Variants in CEP126 observed in about 807,000 individuals in gnomAD.
The protein encoded by CEP126 is centrosomal protein 126.
CEP126 carries 74 observed loss-of-function variants against 107.8 expected under a neutral mutation model. The ratio of observed to expected loss-of-function variants is 0.69; its 90% CI spans 0.57 to 0.83. CEP126 has a LOEUF of 0.83. CEP126 is among the 40% of genes least tolerant of loss of function. The pLI is 0.00. For synonymous variants in CEP126, 449 were observed against 446.0 expected (o/e 1.01, Z -0.08); for missense variants, 1,237 against 1,281.9 (o/e 0.96, Z 0.53).
intron 3 of CEP126, among the ~76,000 whole-genome samples, chr11:101,944,702 G>A (rs1940712460): frequency 6.6e-6 from 1 of 152,052 alleles, no homozygotes; most frequent in South Asian, 2.1e-4. Flanking sequence ...TTAGTACAAA[G>A]AAAATTTAAC....
chr11:101,942,371 G>A (rs1490183429), intron 2 of CEP126, among the ~76,000 whole-genome samples: 1 of 152,036 alleles, frequency 6.6e-6, no homozygotes, highest in Non-Finnish European at 1.5e-5. Context: ...TTTCTGTAAA[G>A]ATTGTCCTTT....
At chr11:101,973,485 G>A (rs1385043282) in intron 6 of CEP126, among the ~76,000 whole-genome samples, 1 of 152,090 alleles carries the variant, frequency 6.6e-6, no homozygotes, top group African/African-American at 2.4e-5. Context: ...GTGGACACAG[G>A]GAGGGGAATA....
At chr11:101,933,243 AAAGT>A (rs748660954) in intron 2 of CEP126, among the ~76,000 whole-genome samples, 1 of 152,216 alleles carries the variant, frequency 6.6e-6, no homozygotes, top group Non-Finnish European at 1.5e-5. Flanking sequence ...GCAATGCAGA[AAAGT>A]AAGTAATTAC....
chr11:101,941,939 G>A (rs1940670534), intron 2 of CEP126, among the ~76,000 whole-genome samples: 1 of 151,930 alleles, frequency 6.6e-6, no homozygotes, highest in African/African-American at 2.4e-5. Context: ...ATTTGTATTT[G>A]TATATCTTCT....
At chr11:101,922,851 G>C (rs921427087) in intron 2 of CEP126, 91 bp downstream of exon 2, 42 of 968,998 alleles carry the variant, frequency 4.3e-5, no homozygotes, top group Non-Finnish European at 5.9e-5. Context: ...ATGAAACTAA[G>C]TCATGGCAGT....
Position 101,963,805 on chromosome 11 carries a change from A to C in CEP126, c.2770A>C (p.Arg924=). 1.2e-6 allele frequency: 2 copies of C among 1,614,204 alleles called. No individual in the cohort carries two copies. Among genetic ancestry groups the C allele is most frequent in the Non-Finnish European group, 1.7e-6 (2 of 1,180,018 alleles). ...CEESYPSVTL[R]TAEEESVPLW... is the part of the protein sequence containing the mutation. ...AGAAAGTTATCCGTCTGTGACTCTA[A>C]GAACTGCTGAAGAAGAATCAGTTCC... is the stretch of plus-strand genomic sequence containing the variant. The change falls in exon 6 of 11, where the codon AGA becomes CGA. Residue 924 remains arginine (R), a synonymous_variant. Coordinates refer to ENST00000263468, the MANE Select transcript of CEP126 (RefSeq NM_020802.4).
intron 2 of CEP126, among the ~76,000 whole-genome samples, chr11:101,941,009 GTGATTTTATCTACTTGACACA>G (rs1358722572): frequency 1.3e-5 from 2 of 152,076 alleles, no homozygotes; most frequent in Non-Finnish European, 2.9e-5. Context: ...TGCTTGACAC[GTGATTTTATCTACTTGACACA>G]TGATTTTAAT....
intron 6 of CEP126, among the ~76,000 whole-genome samples, chr11:101,968,296 G>A (rs1941082083): frequency 6.6e-6 from 1 of 152,166 alleles, no homozygotes; most frequent in Admixed American, 6.5e-5. Flanking sequence ...CCAAAATTCT[G>A]TTGCCATGAG....
intron 1 of CEP126, among the ~76,000 whole-genome samples, chr11:101,922,321 C>T (rs970257647): frequency 1.3e-5 from 2 of 151,980 alleles, no homozygotes; most frequent in Non-Finnish European, 2.9e-5. Context: ...TGCACCACCA[C>T]GTCCAGCTAA....
rs555705066 is a variant in CEP126, at chr11:101,960,906, G to A, written c.706-835G>A. Among the ~76,000 whole-genome samples the A allele has an allele frequency of 2.6e-5, 4 of 152,046 alleles. No individual in the cohort carries two copies. The South Asian group carries it at 6.2e-4, about 24-fold the overall frequency. ...TTCTATATATGTGATGTAGATTAAT[G>A]CATGCTAGGTATGTGTGAGAAAACA... On this transcript the variant is annotated intron_variant, in intron 5 of 10. Coordinates refer to ENST00000263468, the MANE Select transcript of CEP126 (RefSeq NM_020802.4).
intron 6 of CEP126, among the ~76,000 whole-genome samples, chr11:101,967,095 C>T (rs1941066780): frequency 7.3e-6 from 1 of 136,056 alleles, no homozygotes; most frequent in South Asian, 2.4e-4. Context: ...GTGGCGTGAT[C>T]ATGGCTCAGT....
intron 7 of CEP126, among the ~76,000 whole-genome samples, chr11:101,981,441 G>A (rs899294117): frequency 1.3e-5 from 2 of 151,996 alleles, no homozygotes; most frequent in Non-Finnish European, 2.9e-5. Context: ...CCACAGGCAC[G>A]TGCCACAACT....
intron 2 of CEP126, among the ~76,000 whole-genome samples, chr11:101,940,472 T>C (rs1202611349): frequency 2.6e-5 from 4 of 152,236 alleles, no homozygotes; most frequent in African/African-American, 9.6e-5. Context: ...ATTATTCTGG[T>C]CATTTGCTTC....
At chr11:101,978,240 C>G in intron 6 of CEP126, 107 bp from the exon 7 acceptor site, 5 of 721,466 alleles carry the variant, frequency 6.9e-6, no homozygotes, top group Non-Finnish European at 1.2e-5. Context: ...ATGAATTAAA[C>G]TTACAGAGTT....
chr11:101,963,476 A>G lies in CEP126; in HGVS notation c.2441A>G (p.Lys814Arg), dbSNP rs773906932. The G allele has an allele frequency of 1.9e-6, 3 of 1,614,154 alleles. No homozygotes were observed. In the Admixed American group the frequency reaches 5.0e-5, roughly 27 times the overall value. The change falls in exon 6 of 11, where the codon AAA becomes AGA. Residue 814 changes from lysine to arginine, a missense_variant. By Grantham distance (26) the Lys-to-Arg change is conservative. Around this residue, in one of 3 missense-constraint regions of CEP126, gnomAD observed 1,134 missense variants for 1,150.5 expected, o/e 0.99. Coordinates refer to ENST00000263468, the MANE Select transcript of CEP126 (RefSeq NM_020802.4). The stretch of plus-strand genomic sequence containing the variant: ...TCTACATCAAATATTAGAAGTGGTA[A>G]AAATATACAAGTGTCTCAGTGTCAA... ...PQSTSNIRSG[K>R]NIQVSQCQPV...
intron 1 of CEP126, among the ~76,000 whole-genome samples, chr11:101,917,106 A>G (rs1940232886): frequency 6.6e-6 from 1 of 150,780 alleles, no homozygotes; most frequent in Non-Finnish European, 1.5e-5. Context: ...GCTAGTTTGC[A>G]TATGTGTGTA....
intron 1 of CEP126, among the ~76,000 whole-genome samples, chr11:101,918,801 G>A (rs1940276630): frequency 6.6e-6 from 1 of 152,172 alleles, no homozygotes; most frequent in South Asian, 2.1e-4. Flanking sequence ...TCATGAAGGT[G>A]TCATCAAGTC....
intron 9 of CEP126, among the ~76,000 whole-genome samples, chr11:101,989,426 C>T (rs1442285342): frequency 6.6e-6 from 1 of 152,236 alleles, no homozygotes; most frequent in East Asian, 1.9e-4. Flanking sequence ...CAATGAAGTG[C>T]TCCCAGACAT....
chr11:101,947,905 C>T (rs754210440), intron 3 of CEP126, 126 bp from the exon 4 acceptor site: 6 of 427,270 alleles, frequency 1.4e-5, no homozygotes, highest in Non-Finnish European at 2.5e-5. Context: ...TTACACTATT[C>T]TGAAAATATT....
Sources: gnomAD v4.1 joint callset for allele counts (sites outside exome capture counted in the v4.1 genomes callset) on GRCh38, gnomAD v4.1.1 for gene constraint, gnomAD v4.1.1 regional missense constraint, MANE v1.5 for transcripts, NCBI Gene and HGNC (gene_info 2026-07-23, HGNC 2026-07-21) for gene names.